TMEM182: variants seen among roughly 807,000 people sequenced by gnomAD.
TMEM182 encodes the protein transmembrane protein 182.
A neutral mutation model predicts 26.8 loss-of-function variants in TMEM182; 20 were observed. That is an observed-to-expected ratio of 0.75 (90% CI 0.53 to 1.09). The LOEUF is 1.09. Ranked by LOEUF, TMEM182 falls within the 50% of genes least tolerant of loss-of-function variation. The probability of loss-of-function intolerance (pLI) is 0.00; values close to 1 mark genes in which losing one functional copy is unlikely to be tolerated. For missense variants in TMEM182, 277 were observed against 275.5 expected (o/e 1.01, Z -0.04); for synonymous variants, 109 against 102.2 (o/e 1.07, Z -0.40).
chr2:102,842,605 C>T (rs1023800026), intron 3 of TMEM182, among the ~76,000 whole-genome samples: 2 of 152,212 alleles, frequency 1.3e-5, no homozygotes, highest in African/African-American at 4.8e-5. Context: ...TCACATACAT[C>T]TCTGACCTCA....
Position 102,817,003 on chromosome 2 carries a change from T to G in TMEM182, c.*2035T>G. 1 of 985,688 alleles carries G rather than the reference T, an allele frequency of 1.0e-6. No homozygotes were observed. Among genetic ancestry groups the G allele is most frequent in the Non-Finnish European group, 1.2e-6 (1 of 829,770 alleles). The allele number at this position is 985,688 out of a possible 1,614,324, so 61.1% of individuals were successfully genotyped here. The stretch of plus-strand genomic sequence containing the variant: ...CTGAATAGCTGATGTGTATGACACT[T>G]TTACACAGATTTGCACTTTGGAACT... On this transcript the variant is annotated 3_prime_UTR_variant, in exon 5 of 5. Transcript: ENST00000412401.
intron 3 of TMEM182, among the ~76,000 whole-genome samples, chr2:102,840,574 AT>A (rs1176664040): frequency 1.3e-5 from 2 of 152,172 alleles, no homozygotes; most frequent in Non-Finnish European, 2.9e-5. Flanking sequence ...TCAGGCTCAT[AT>A]AGAGGACGCA....
At chr2:102,765,290 A>G (rs1573505723) in intron 3 of TMEM182, among the ~76,000 whole-genome samples, 1 of 150,946 alleles carries the variant, frequency 6.6e-6, no homozygotes, top group East Asian at 1.9e-4. Context: ...CTGATGTTGC[A>G]ATCTCCAGTC....
intron 1 of TMEM182, among the ~76,000 whole-genome samples, chr2:102,754,984 A>G (rs971813303): frequency 7.2e-5 from 11 of 152,228 alleles, no homozygotes; most frequent in Admixed American, 5.9e-4. Context: ...ATTTACCGTA[A>G]TGGAATGTTA....
Position 102,815,319 on chromosome 2 carries a change from T to C in TMEM182, c.*351T>C. The C allele has an allele frequency of 9.9e-7, 1 of 1,009,928 alleles. No individual in the cohort carries two copies. The highest frequency in any genetic ancestry group is 1.2e-6 in the Non-Finnish European group (1 of 846,658). 62.6% of individuals were successfully genotyped at this position (1,009,928 alleles called of 1,614,324 possible). The stretch of plus-strand genomic sequence containing the variant: ...TCGATAGATTTGGCTTAAAGTCTCC[T>C]TGGCATTCACTTCTGCTAATTAAAA... On this transcript the variant is annotated 3_prime_UTR_variant, in exon 5 of 5. Transcript: ENST00000412401.
At chr2:102,749,702 T>C (rs1401994568) in intron 1 of TMEM182, among the ~76,000 whole-genome samples, 1 of 152,186 alleles carries the variant, frequency 6.6e-6, no homozygotes, top group Non-Finnish European at 1.5e-5. Flanking sequence ...ATAATATATA[T>C]ACCTGTACAT....
At chr2:102,745,228 C>G (rs1013300434) in intron 1 of TMEM182, among the ~76,000 whole-genome samples, 1 of 151,736 alleles carries the variant, frequency 6.6e-6, no homozygotes, top group Non-Finnish European at 1.5e-5. Context: ...GAAAGACAAT[C>G]TTCATCTCTG....
At position 102,802,128 on chromosome 2, in the gene TMEM182, C is replaced by T. The variant is rs566698373; in HGVS notation, c.469+4128C>T. On this transcript the variant is annotated intron_variant, in intron 4 of 4. Coordinates refer to ENST00000412401, the MANE Select transcript of TMEM182 (RefSeq NM_144632.5). ...TATCGATGCCACAAACAGAATTGGA[C>T]GCTGTCTGTATTTTTGGGCAGATGG... 4.6e-5 allele frequency among the ~76,000 whole-genome samples: 7 copies of T among 152,258 alleles called. No homozygotes were observed. In the East Asian group the frequency reaches 5.8e-4, roughly 13 times the overall value.
intron 3 of TMEM182, among the ~76,000 whole-genome samples, chr2:102,825,754 C>G (rs1683019472): frequency 6.6e-6 from 1 of 152,188 alleles, no homozygotes; most frequent in African/African-American, 2.4e-5. Context: ...GATGTTTGAG[C>G]ATTTCTACAT....
chr2:102,784,738 C>A (rs1443529494), intron 3 of TMEM182, among the ~76,000 whole-genome samples: 2 of 152,180 alleles, frequency 1.3e-5, no homozygotes, highest in African/African-American at 4.8e-5. Context: ...TCATGCCTCC[C>A]CTTTTTAGAC....
chr2:102,835,966 G>C (rs1683239586), intron 3 of TMEM182, among the ~76,000 whole-genome samples: 1 of 151,720 alleles, frequency 6.6e-6, no homozygotes, highest in African/African-American at 2.4e-5. Flanking sequence ...CTCAAGGACA[G>C]AATGTTCTAT....
chr2:102,797,182 C>G (rs1421133566), intron 3 of TMEM182, among the ~76,000 whole-genome samples: 2 of 152,132 alleles, frequency 1.3e-5, no homozygotes, highest in African/African-American at 4.8e-5. Flanking sequence ...CATTTTGAAT[C>G]TAAGTGAAAA....
At chr2:102,838,223 T>TA (rs1412635178) in intron 3 of TMEM182, among the ~76,000 whole-genome samples, 4 of 152,244 alleles carry the variant, frequency 2.6e-5, no homozygotes, top group Non-Finnish European at 5.9e-5. Flanking sequence ...GAGGGATAGC[T>TA]ATGTTGTTAA....
intron 3 of TMEM182, among the ~76,000 whole-genome samples, chr2:102,778,363 A>G (rs938224442): frequency 2.1e-4 from 32 of 152,030 alleles, no homozygotes; most frequent in Admixed American, 2.0e-4. Context: ...ACACTTTTTC[A>G]TTCTTTACCT....
chr2:102,741,333 A>C (rs1679538592), intron 1 of TMEM182, among the ~76,000 whole-genome samples: 1 of 152,184 alleles, frequency 6.6e-6, no homozygotes, highest in African/African-American at 2.4e-5. Context: ...CCCACAATTT[A>C]ATGGATGTTA....
intron 3 of TMEM182, among the ~76,000 whole-genome samples, chr2:102,774,250 C>CTTTTTTTTTTTTT (rs774047240): frequency 1.2e-3 from 113 of 96,118 alleles, no homozygotes; most frequent in African/African-American, 1.7e-3. Flanking sequence ...TTCTTTCTTT[C>CTTTTTTTTTTTTT]TTTTTTTTTT....
intron 4 of TMEM182, among the ~76,000 whole-genome samples, chr2:102,804,246 T>C (rs943247139): frequency 1.3e-5 from 2 of 152,174 alleles, no homozygotes; most frequent in Admixed American, 6.5e-5. Context: ...TGTGAGATTT[T>C]GGCACACCCA....
intron 4 of TMEM182, among the ~76,000 whole-genome samples, chr2:102,811,152 G>C (rs1682544141): frequency 6.7e-6 from 1 of 150,260 alleles, no homozygotes; most frequent in African/African-American, 2.5e-5. Flanking sequence ...CCATTTTTGT[G>C]CTTCATAACC....
chr2:102,758,238 G>A (rs935079076), upstream of TMEM182, among the ~76,000 whole-genome samples: 8 of 148,068 alleles, frequency 5.4e-5, no homozygotes, highest in Admixed American at 4.7e-4. Flanking sequence ...TTAAAAAAGA[G>A]AGAGAAAGGG....
Sources: gnomAD v4.1 joint callset for allele counts (sites outside exome capture counted in the v4.1 genomes callset) on GRCh38, gnomAD v4.1.1 for gene constraint, MANE v1.5 for transcripts, NCBI Gene and HGNC (gene_info 2026-07-23, HGNC 2026-07-21) for gene names.